Variants in C10orf105 observed in about 807,000 individuals in gnomAD.
C10orf105 encodes the protein chromosome 10 open reading frame 105, also known as uncharacterized protein C10orf105.
A neutral mutation model predicts 0.6 loss-of-function variants in C10orf105; 2 were observed. That is an observed-to-expected ratio of 3.18 (90% CI 1.30 to 10.01). The LOEUF (loss-of-function observed/expected upper bound fraction) is 10.01. C10orf105 is among the 30% of genes most tolerant of loss of function. The probability of loss-of-function intolerance (pLI) is 0.04; values close to 1 mark genes in which losing one functional copy is unlikely to be tolerated. For synonymous variants in C10orf105, 95 were observed against 82.4 expected (o/e 1.15, Z -0.83); for missense variants, 209 against 191.4 (o/e 1.09, Z -0.54).
rs534466092 is a variant in C10orf105 at position 71,737,742 on chromosome 10, G to A, written c.-20C>T. The A allele has an allele frequency of 5.2e-4, 246 of 470,154 alleles. 2 individuals carry two copies. Among genetic ancestry groups the A allele is most frequent in the South Asian group, 2.8e-3 (183 of 64,568 alleles). 29.1% of individuals were successfully genotyped at this position (470,154 alleles called of 1,614,324 possible). A position where few individuals can be genotyped will look rare whatever the true frequency, so the allele number is the denominator to read the frequency against. On this transcript the variant is annotated 5_prime_UTR_variant, in exon 1 of 2. Transcript: ENST00000398786. The stretch of plus-strand genomic sequence containing the variant: ...CCCCTGGGTACCTGTGATTCCAGCC[G>A]CAGTGGCCTGTGGCCGTCCGTGGAC...
rs115398922 is a variant in C10orf105 at position 71,732,198 on chromosome 10, G to A, written c.-6+5530C>T. The A allele has an allele frequency of 9.9e-5, 159 of 1,613,882 alleles. No homozygotes were observed. The African/African-American group carries it at 1.9e-3, about 19-fold the overall frequency. On this transcript the variant is annotated intron_variant, in intron 1 of 1. Coordinates refer to the C10orf105 transcript ENST00000398786. ...TCACTCTGCTCAACGAGCTGGACGAGGCCGTGCAGTTCTCCAATGCCTCAT... is the reference window on the plus strand; with the variant it reads ...TCACTCTGCTCAACGAGCTGGACGAAGCCGTGCAGTTCTCCAATGCCTCAT...
Position 71,715,951 on chromosome 10 carries a change from T to G in C10orf105, c.387A>C (p.Glu129Asp), listed in dbSNP as rs1204126994. ...GGACACCCCATTACATCTTGGTAGA[T>G]TCCATGTAGTCACAGTGGCTGCGGT... ...EDNRSHCDYM[E>D]STKM Residue 129 changes from glutamate (E) to aspartate (D), a missense_variant, in exon 2 of 2, where the codon GAA (glutamate) becomes GAC (aspartate). By Grantham distance (45) the Glu-to-Asp change is conservative. Transcript: ENST00000441508. 1.4e-6 allele frequency: 2 copies of G among 1,472,626 alleles called. No individual in the cohort carries two copies. Among genetic ancestry groups the G allele is most frequent in the South Asian group, 1.4e-5 (1 of 70,348 alleles). The allele number at this position is 1,472,626 out of a possible 1,614,324, so 91.2% of individuals were successfully genotyped here. A position where few individuals can be genotyped will look rare whatever the true frequency, so the allele number is the denominator to read the frequency against.
In C10orf105 at chr10:71,728,196, C is replaced by A. The variant is rs950894568; in HGVS notation, c.-6+9532G>T. On this transcript the variant is annotated intron_variant, in intron 1 of 1. Transcript: ENST00000398786. ...AAATTCATCCATGCAAACTCCCCCC[C>A]GCACCCACCCTACCCAGGATCTTCC... Among the ~76,000 whole-genome samples the A allele has an allele frequency of 2.0e-5, 3 of 152,134 alleles. No homozygotes were observed. The South Asian group carries it at 6.2e-4, about 32-fold the overall frequency.
chr10:71,727,601 G>A (rs557016221), intron 1 of C10orf105, among the ~76,000 whole-genome samples: 1 of 152,256 alleles, frequency 6.6e-6, no homozygotes, highest in Admixed American at 6.5e-5. Context: ...GTGAGGGGCC[G>A]GGGAGTACAG....
At chr10:71,727,169 C>G (rs1224626188) in intron 1 of C10orf105, among the ~76,000 whole-genome samples, 4 of 152,344 alleles carry the variant, frequency 2.6e-5, no homozygotes, top group African/African-American at 7.2e-5. Flanking sequence ...GTTAATACCC[C>G]CATCTTACAG....
At chr10:71,736,681 C>T (rs1000050253) in intron 1 of C10orf105, among the ~76,000 whole-genome samples, 4 of 152,248 alleles carry the variant, frequency 2.6e-5, no homozygotes, top group Non-Finnish European at 5.9e-5. Context: ...CTTGCAGCCT[C>T]ACCAAGATCA....
chr10:71,718,504 C>T (rs115003402), intron 1 of C10orf105, among the ~76,000 whole-genome samples: 27 of 152,370 alleles, frequency 1.8e-4, no homozygotes, highest in African/African-American at 6.3e-4. Flanking sequence ...GGCTGGGCAG[C>T]TGTGCATGGG....
rs989184961 is a variant in C10orf105 at position 71,713,410 on chromosome 10, C to T, written c.*2526G>A. 7.8e-6 allele frequency: 5 copies of T among 641,546 alleles called. No individual in the cohort carries two copies. The highest frequency in any genetic ancestry group is 5.4e-5 in the African/African-American group (3 of 55,096). The allele number at this position is 641,546 out of a possible 1,614,324, so 39.7% of individuals were successfully genotyped here. On this transcript the variant is annotated 3_prime_UTR_variant, in exon 2 of 2. Transcript: ENST00000441508. Reference sequence around the variant, plus strand: ...CGGAGTGAATGAGTCTCTTTACCAACTATGGGGTTTCCGACTCGGAGGCTG... The same window carrying T: ...CGGAGTGAATGAGTCTCTTTACCAATTATGGGGTTTCCGACTCGGAGGCTG...
upstream of C10orf105, chr10:71,724,196 C>A: frequency 1.5e-6 from 2 of 1,364,890 alleles, no homozygotes; most frequent in South Asian, 1.2e-5. Context: ...GGAGATGAGG[C>A]CAAGAGAACC....
rs1292352915 is a variant in C10orf105 at position 71,716,052 on chromosome 10, A to T, written c.286T>A (p.Leu96Met). 6.6e-7 allele frequency: 1 copy of T among 1,509,116 alleles called. No individual in the cohort carries two copies. Among genetic ancestry groups the T allele is most frequent in the East Asian group, 2.5e-5 (1 of 40,392 alleles). 93.5% of individuals were successfully genotyped at this position (1,509,116 alleles called of 1,614,324 possible). A position where few individuals can be genotyped will look rare whatever the true frequency, so the allele number is the denominator to read the frequency against. ...QLRLWKRLGS[L>M]RLSLHSFRHG... The stretch of plus-strand genomic sequence containing the variant: ...CGGAAGCTGTGCAGGGAGAGGCGCA[A>T]GGAGCCCAGGCGCTTCCAGAGCCGG... Residue 96 changes from leucine to methionine, a missense_variant, in exon 2 of 2, where the codon TTG becomes ATG. Leu to Met is a conservative substitution (Grantham distance 15). Coordinates refer to ENST00000441508, the MANE Select transcript of C10orf105 (RefSeq NM_001164375.3).
rs114819631 is a variant in C10orf105 at position 71,734,765 on chromosome 10, G to T, written c.-6+2963C>A. On this transcript the variant is annotated intron_variant, in intron 1 of 1. Coordinates refer to the C10orf105 transcript ENST00000398786. ...CCCACCTCTCCCAGAGAGAAGGCAC[G>T]TGGACAGGCCTGCAGCAGGCCCCCT... 4.3e-3 allele frequency: 2,943 copies of T among 680,566 alleles called. 69 individuals are homozygous for T. The African/African-American group carries it at 0.049, about 11-fold the overall frequency. The allele number at this position is 680,566 out of a possible 1,614,324, so 42.2% of individuals were successfully genotyped here.
chr10:71,716,549 C>T (rs1866251887), intron 1 of C10orf105: 5 of 466,096 alleles, frequency 1.1e-5, no homozygotes, highest in Non-Finnish European at 1.9e-5. Context: ...TGGAGCTGGG[C>T]CCAAGCTCAG....
At chr10:71,718,330 T>G (rs1297755002) in intron 1 of C10orf105, among the ~76,000 whole-genome samples, 1 of 152,182 alleles carries the variant, frequency 6.6e-6, no homozygotes, top group African/African-American at 2.4e-5. Flanking sequence ...CCCAGCCAAC[T>G]GAGGGCATGC....
intron 1 of C10orf105, among the ~76,000 whole-genome samples, chr10:71,718,793 G>A (rs760906088): frequency 3.3e-5 from 5 of 152,176 alleles, no homozygotes; most frequent in South Asian, 2.1e-4. Flanking sequence ...GAGGCCAGGC[G>A]TGTTGGCTCT....
rs1375006844 is a variant in C10orf105, at chr10:71,715,439, G to C, written c.*497C>G. ...CAGCACCCGGGAAACCCAAGGAAGA[G>C]AGCCCCGAGGTTTTGCCCCAGCACT... On this transcript the variant is annotated 3_prime_UTR_variant, in exon 2 of 2. Coordinates refer to ENST00000441508, the MANE Select transcript of C10orf105 (RefSeq NM_001164375.3). 2 of 152,622 alleles carry C rather than the reference G, an allele frequency of 1.3e-5. No homozygotes were observed. The highest frequency in any genetic ancestry group is 6.5e-5 in the Admixed American group (1 of 15,298). The allele number at this position is 152,622 out of a possible 1,614,324, so 9.5% of individuals were successfully genotyped here. A position where few individuals can be genotyped will look rare whatever the true frequency, so the allele number is the denominator to read the frequency against.
intron 1 of C10orf105, among the ~76,000 whole-genome samples, chr10:71,729,221 G>A (rs998667789): frequency 2.0e-5 from 3 of 152,216 alleles, no homozygotes; most frequent in African/African-American, 7.2e-5. Context: ...AAGCGGTGAG[G>A]AAAATGGTGC....
In C10orf105 at chr10:71,713,068, C is replaced by T. The variant is rs755686586; in HGVS notation, c.*2868G>A. On this transcript the variant is annotated 3_prime_UTR_variant, in exon 2 of 2. Transcript: ENST00000441508. The stretch of plus-strand genomic sequence containing the variant: ...AAACAGGAGGAAGACTTGGCCTCCC[C>T]CTGCATATCTCCCGCCCCACCCAGA... 7.2e-5 allele frequency: 54 copies of T among 745,014 alleles called. No homozygotes were observed. In the Middle Eastern group the frequency reaches 1.4e-3, roughly 19 times the overall value. 46.2% of individuals were successfully genotyped at this position (745,014 alleles called of 1,614,324 possible).
chr10:71,725,172 T>C lies in C10orf105; in HGVS notation c.-5-8830A>G, dbSNP rs576287925. 5.9e-5 allele frequency among the ~76,000 whole-genome samples: 9 copies of C among 152,298 alleles called. No homozygotes were observed. In the East Asian group the frequency reaches 7.7e-4, roughly 13 times the overall value. On this transcript the variant is annotated intron_variant, in intron 1 of 1. Transcript: ENST00000398786. ...GCCTTCCCGGAGCAGGTGAAACGCA[T>C]TGGGGATGGCCTGTCTGCCTTGCCC...
chr10:71,723,165 A>G (rs1026228543), upstream of C10orf105, among the ~76,000 whole-genome samples: 1 of 152,196 alleles, frequency 6.6e-6, no homozygotes, highest in Admixed American at 6.5e-5. Context: ...GGCCTTACAA[A>G]GCAATTCACC....
Sources: allele counts gnomAD v4.1 joint callset (sites outside exome capture counted in the v4.1 genomes callset), GRCh38; gene constraint gnomAD v4.1.1; transcripts MANE v1.5; gene names NCBI Gene and HGNC (gene_info 2026-07-23, HGNC 2026-07-21).